SLC27A6: variants seen among roughly 807,000 people sequenced by gnomAD.
SLC27A6 encodes solute carrier family 27 member 6.
SLC27A6 carries 74 observed loss-of-function variants against 63.9 expected under a neutral mutation model. That is an observed-to-expected ratio of 1.16 (90% CI 0.96 to 1.40). SLC27A6 has a LOEUF of 1.40. SLC27A6 is among the 40% of genes most tolerant of loss of function. The probability of loss-of-function intolerance (pLI) is 0.00; values close to 1 mark genes in which losing one functional copy is unlikely to be tolerated. For synonymous variants in SLC27A6, 287 were observed against 260.8 expected (o/e 1.10, Z -0.97); for missense variants, 794 against 732.9 (o/e 1.08, Z -0.96).
chr5:128,989,799 C>T (rs1750914385), intron 3 of SLC27A6, among the ~76,000 whole-genome samples: 1 of 151,932 alleles, frequency 6.6e-6, no homozygotes, highest in Non-Finnish European at 1.5e-5. Context: ...TGGCAGGCAC[C>T]TGTAGTCCCA....
At chr5:128,982,609 C>T (rs1365339074) in intron 1 of SLC27A6, among the ~76,000 whole-genome samples, 1 of 152,176 alleles carries the variant, frequency 6.6e-6, no homozygotes, top group Non-Finnish European at 1.5e-5. Context: ...TTTGCACTTA[C>T]AAGTTCAAAA....
rs372104117 is a variant in SLC27A6, at chr5:128,966,127, C to A, written c.-11C>A. ...CTGAGATCAGAGCTGTCTTCTGGCCCAGTTGCCCCCATGCTTCTGTCATGG... is the reference window on the plus strand; with the variant it reads ...CTGAGATCAGAGCTGTCTTCTGGCCAAGTTGCCCCCATGCTTCTGTCATGG... On this transcript the variant is annotated 5_prime_UTR_variant, in exon 1 of 10. Transcript: ENST00000262462. 1.8e-5 allele frequency: 28 copies of A among 1,534,320 alleles called. No homozygotes were observed. The African/African-American group carries it at 3.5e-4, about 19-fold the overall frequency.
chr5:129,003,208 T>G (rs1412922749), intron 4 of SLC27A6, among the ~76,000 whole-genome samples: 1 of 152,352 alleles, frequency 6.6e-6, no homozygotes, highest in African/African-American at 2.4e-5. Flanking sequence ...ACAGTGTGGG[T>G]TTCTCTCTGT....
At chr5:128,996,517 A>G (rs1429007274) in intron 4 of SLC27A6, among the ~76,000 whole-genome samples, 1 of 152,144 alleles carries the variant, frequency 6.6e-6, no homozygotes, top group Non-Finnish European at 1.5e-5. Context: ...AACTTTACAA[A>G]TTGTGTTAAA....
At chr5:129,024,524 C>T (rs1256155733) in intron 6 of SLC27A6, among the ~76,000 whole-genome samples, 1 of 151,968 alleles carries the variant, frequency 6.6e-6, no homozygotes, top group Non-Finnish European at 1.5e-5. Context: ...ATATATATTC[C>T]TGGGGGACCT....
At chr5:128,993,691 A>C (rs1751053140) in intron 4 of SLC27A6, among the ~76,000 whole-genome samples, 1 of 152,180 alleles carries the variant, frequency 6.6e-6, no homozygotes, top group Non-Finnish European at 1.5e-5. Context: ...TTTTTAAAGA[A>C]ATGAAATATT....
At chr5:128,969,625 G>T (rs1420994541) in intron 1 of SLC27A6, among the ~76,000 whole-genome samples, 1 of 152,142 alleles carries the variant, frequency 6.6e-6, no homozygotes, top group Non-Finnish European at 1.5e-5. Context: ...TCTGTCCTGA[G>T]ACTGCTGAAG....
chr5:128,974,186 C>A (rs911393267), intron 1 of SLC27A6, among the ~76,000 whole-genome samples: 3 of 152,210 alleles, frequency 2.0e-5, no homozygotes, highest in Non-Finnish European at 4.4e-5. Flanking sequence ...TGTTGTTTAA[C>A]TAGGACCAAT....
chr5:128,999,614 A>T (rs1751267244), intron 4 of SLC27A6, among the ~76,000 whole-genome samples: 1 of 152,098 alleles, frequency 6.6e-6, no homozygotes, highest in South Asian at 2.1e-4. Context: ...AAATAGCCAA[A>T]GTCCAACTTT....
chr5:129,006,647 T>C (rs1391273872), intron 4 of SLC27A6, among the ~76,000 whole-genome samples: 1 of 152,178 alleles, frequency 6.6e-6, no homozygotes, highest in Non-Finnish European at 1.5e-5. Flanking sequence ...TGAAACATGT[T>C]ACTGGTAACT....
At chr5:128,994,177 T>A (rs962842691) in intron 4 of SLC27A6, among the ~76,000 whole-genome samples, 17 of 151,528 alleles carry the variant, frequency 1.1e-4, no homozygotes, top group Admixed American at 2.0e-4. Context: ...AAAAAAAAAA[T>A]TAATTTAATT....
At chr5:128,975,792 A>G (rs1168942393) in intron 1 of SLC27A6, among the ~76,000 whole-genome samples, 1 of 152,106 alleles carries the variant, frequency 6.6e-6, no homozygotes, top group African/African-American at 2.4e-5. Context: ...TCTTTACATT[A>G]TTTTTGCTCC....
chr5:129,022,978 A>G (rs1214095363), intron 5 of SLC27A6, among the ~76,000 whole-genome samples: 1 of 152,094 alleles, frequency 6.6e-6, no homozygotes, highest in Non-Finnish European at 1.5e-5. Context: ...GAGACATCCA[A>G]TTTTTGGTTC....
intron 8 of SLC27A6, 111 bp downstream of exon 8, chr5:129,028,553 A>T (rs992313197): frequency 6.2e-6 from 4 of 645,864 alleles, no homozygotes; most frequent in Non-Finnish European, 1.0e-5. Flanking sequence ...GTATTAAGAT[A>T]AAGATTTTAT....
chr5:128,999,538 T>G (rs1751265346), intron 4 of SLC27A6, among the ~76,000 whole-genome samples: 1 of 152,168 alleles, frequency 6.6e-6, no homozygotes, highest in East Asian at 1.9e-4. Flanking sequence ...CTCCCTTGAT[T>G]TCTAGTTTTT....
At chr5:129,019,026 A>G (rs1003945198) in intron 5 of SLC27A6, among the ~76,000 whole-genome samples, 5 of 152,102 alleles carry the variant, frequency 3.3e-5, no homozygotes, top group Non-Finnish European at 7.4e-5. Flanking sequence ...AAAAATGCTA[A>G]CCTAATGGAG....
At chr5:129,028,902 C>G (rs903512724) in intron 8 of SLC27A6, among the ~76,000 whole-genome samples, 36 of 151,842 alleles carry the variant, frequency 2.4e-4, no homozygotes, top group African/African-American at 8.2e-4. Flanking sequence ...TGAGGATTGT[C>G]TCATGATGTT....
At chr5:128,976,892 T>A (rs1750409229) in intron 1 of SLC27A6, among the ~76,000 whole-genome samples, 1 of 152,238 alleles carries the variant, frequency 6.6e-6, no homozygotes, top group African/African-American at 2.4e-5. Flanking sequence ...ATAAGTATAA[T>A]GATTTAATAT....
chr5:129,004,839 G>C (rs1300314057), intron 4 of SLC27A6, among the ~76,000 whole-genome samples: 1 of 152,128 alleles, frequency 6.6e-6, no homozygotes, highest in African/African-American at 2.4e-5. Context: ...TCTATGTCTA[G>C]ATAGTCCAGG....
Sources: allele counts gnomAD v4.1 joint callset (sites outside exome capture counted in the v4.1 genomes callset), GRCh38; gene constraint gnomAD v4.1.1; transcripts MANE v1.5; gene names NCBI Gene and HGNC (gene_info 2026-07-23, HGNC 2026-07-21).